BTBD9: variants seen among roughly 807,000 people sequenced by gnomAD.
BTBD9 encodes the protein BTB domain containing 9, also known as BTB/POZ domain-containing protein 9.
Under a neutral mutation model 64.3 loss-of-function variants are expected in BTBD9, and 49 were observed. The observed-to-expected ratio is 0.76, with a 90% confidence interval of 0.61 to 0.97. BTBD9 has a LOEUF of 0.97. Ranked by LOEUF, BTBD9 falls within the 50% of genes least tolerant of loss-of-function variation. The probability of loss-of-function intolerance (pLI) is 0.00; values close to 1 mark genes in which losing one functional copy is unlikely to be tolerated. For synonymous variants in BTBD9, 260 were observed against 274.7 expected (o/e 0.95, Z 0.53); for missense variants, 598 against 762.1 (o/e 0.78, Z 2.53).
intron 7 of BTBD9, among the ~76,000 whole-genome samples, chr6:38,317,104 T>A (rs1763056751): frequency 6.6e-6 from 1 of 152,182 alleles, no homozygotes; most frequent in East Asian, 1.9e-4. Context: ...CAAGTGATTC[T>A]CCTGCCTCAG....
At chr6:38,178,484 A>G (rs890052789) in intron 10 of BTBD9, among the ~76,000 whole-genome samples, 1 of 152,160 alleles carries the variant, frequency 6.6e-6, no homozygotes, top group African/African-American at 2.4e-5. Context: ...CAGAGGGTGT[A>G]CGGTCCAGTG....
chr6:38,596,945 T>C (rs1281131731), intron 2 of BTBD9, among the ~76,000 whole-genome samples: 2 of 152,200 alleles, frequency 1.3e-5, no homozygotes, highest in Non-Finnish European at 2.9e-5. Flanking sequence ...CAAGGTCGGA[T>C]GCCTTGGCAG....
intron 6 of BTBD9, among the ~76,000 whole-genome samples, chr6:38,559,765 A>T (rs962068222): frequency 5.3e-5 from 8 of 152,212 alleles, no homozygotes; most frequent in Non-Finnish European, 1.0e-4. Context: ...GAACCCAGAA[A>T]TAAAGCCACA....
At chr6:38,413,556 G>T (rs1180550313) in intron 6 of BTBD9, among the ~76,000 whole-genome samples, 1 of 152,052 alleles carries the variant, frequency 6.6e-6, no homozygotes, top group Admixed American at 6.6e-5. Flanking sequence ...CATCTAGATT[G>T]CTCTTCTCTA....
At chr6:38,307,550 G>A (rs1430726300) in intron 7 of BTBD9, among the ~76,000 whole-genome samples, 2 of 152,190 alleles carry the variant, frequency 1.3e-5, no homozygotes, top group Admixed American at 1.3e-4. Context: ...TGTGGGTGAA[G>A]CCCATGGGTG....
chr6:38,589,428 G>C (rs1248379833), intron 4 of BTBD9, among the ~76,000 whole-genome samples: 1 of 152,172 alleles, frequency 6.6e-6, no homozygotes, highest in African/African-American at 2.4e-5. Context: ...CAGGGCAAGA[G>C]AGGGAAAGGA....
At chr6:38,481,057 A>G (rs907013405) in intron 6 of BTBD9, among the ~76,000 whole-genome samples, 7 of 152,226 alleles carry the variant, frequency 4.6e-5, no homozygotes, top group African/African-American at 1.4e-4. Context: ...TCCCAGGTAA[A>G]AGGAAGTGAA....
In BTBD9 at chr6:38,598,039, A is replaced by G. The variant is rs1294789560; in HGVS notation, c.56T>C (p.Val19Ala). Residue 19 changes from valine (V) to alanine (A), a missense_variant, in exon 2 of 11, where the codon GTG (valine) becomes GCG (alanine). By Grantham distance (64) the Val-to-Ala change is moderately conservative. Coordinates refer to ENST00000481247, the MANE Select transcript of BTBD9 (RefSeq NM_001099272.2). ...ACCAATATGTTCAGACAAAATGTGC[A>G]CATGATCAATTTCCCCCACTGCAGT... ...PFTAVGEIDHVHILSEHIGAL... is the reference protein window; with the variant it reads ...PFTAVGEIDHAHILSEHIGAL... 6.2e-7 allele frequency: 1 copy of G among 1,613,914 alleles called. No homozygotes were observed. Among genetic ancestry groups the G allele is most frequent in the Non-Finnish European group, 8.5e-7 (1 of 1,179,894 alleles).
At chr6:38,456,035 G>A (rs1436081502) in intron 6 of BTBD9, among the ~76,000 whole-genome samples, 5 of 151,834 alleles carry the variant, frequency 3.3e-5, no homozygotes, top group Non-Finnish European at 7.4e-5. Flanking sequence ...CCAGGCTAGA[G>A]TGCAGTGGCG....
chr6:38,556,941 AG>A (rs1775051317), intron 6 of BTBD9, among the ~76,000 whole-genome samples: 1 of 132,240 alleles, frequency 7.6e-6, no homozygotes, highest in African/African-American at 2.9e-5. Flanking sequence ...AGAACCTGGG[AG>A]GTGGTGGTTG....
chr6:38,553,757 G>A lies in BTBD9; in HGVS notation c.1154+23843C>T, dbSNP rs1242627127. Among the ~76,000 whole-genome samples, 5 of 152,022 alleles carry A rather than the reference G, an allele frequency of 3.3e-5. No homozygotes were observed. The East Asian group carries it at 9.6e-4, about 29-fold the overall frequency. On this transcript the variant is annotated intron_variant, in intron 6 of 10. Transcript: ENST00000481247. Reference sequence around the variant, plus strand: ...AGTCCCAGCTACTTGGGAGGCTGAGGTGGGAAGATCAGTAGAGCCCAGCAG... The same window carrying A: ...AGTCCCAGCTACTTGGGAGGCTGAGATGGGAAGATCAGTAGAGCCCAGCAG...
intron 9 of BTBD9, among the ~76,000 whole-genome samples, chr6:38,226,923 T>G (rs1446330540): frequency 3.3e-5 from 5 of 152,208 alleles, no homozygotes; most frequent in Non-Finnish European, 7.3e-5. Flanking sequence ...AGCCTACAGC[T>G]GACAGAGCAG....
intron 6 of BTBD9, among the ~76,000 whole-genome samples, chr6:38,431,921 T>C (rs766336561): frequency 3.9e-5 from 6 of 151,976 alleles, no homozygotes; most frequent in Non-Finnish European, 7.3e-5. Context: ...GTTGAATGTG[T>C]CCCTCAGAAT....
At chr6:38,288,213 T>A (rs1582169618) in intron 8 of BTBD9, 59 bp downstream of exon 8, 3 of 1,486,088 alleles carry the variant, frequency 2.0e-6, no homozygotes, top group East Asian at 2.3e-5. Flanking sequence ...TTTACCAAAA[T>A]ACAATCTATA....
intron 4 of BTBD9, chr6:38,588,340 C>A: frequency 1.1e-6 from 1 of 928,766 alleles, no homozygotes; most frequent in Non-Finnish European, 1.8e-6. Context: ...AACTTTTCAG[C>A]CTACTAATTA....
At chr6:38,279,821 G>T (rs1253156533) in intron 8 of BTBD9, among the ~76,000 whole-genome samples, 1 of 152,138 alleles carries the variant, frequency 6.6e-6, no homozygotes, top group African/African-American at 2.4e-5. Context: ...ATGAAAAAAT[G>T]GGTCAGATGG....
At chr6:38,305,100 G>A (rs1486655095) in intron 7 of BTBD9, among the ~76,000 whole-genome samples, 1 of 152,120 alleles carries the variant, frequency 6.6e-6, no homozygotes, top group African/African-American at 2.4e-5. Context: ...CCTATGTAAG[G>A]TTGTGGCGCT....
intron 9 of BTBD9, among the ~76,000 whole-genome samples, chr6:38,253,189 T>C (rs1267632672): frequency 6.6e-6 from 1 of 152,206 alleles, no homozygotes; most frequent in Non-Finnish European, 1.5e-5. Context: ...GTTTTCATAC[T>C]AGTATAAAGA....
At chr6:38,564,843 G>T (rs1197937940) in intron 6 of BTBD9, among the ~76,000 whole-genome samples, 2 of 152,096 alleles carry the variant, frequency 1.3e-5, no homozygotes, top group Admixed American at 6.5e-5. Context: ...AGTGAGCCGA[G>T]ATTGCACTGC....
Sources: allele counts gnomAD v4.1 joint callset (sites outside exome capture counted in the v4.1 genomes callset), GRCh38; gene constraint gnomAD v4.1.1; transcripts MANE v1.5; gene names NCBI Gene and HGNC (gene_info 2026-07-23, HGNC 2026-07-21).